The following ZNF624 variants were observed in gnomAD, a reference collection of about 807,000 sequenced individuals.
The protein encoded by ZNF624 is zinc finger protein 624.
In ZNF624, 43 loss-of-function variants were observed where a neutral mutation model predicts 74.7. That is an observed-to-expected ratio of 0.58 (90% CI 0.45 to 0.74). ZNF624 has a LOEUF of 0.74. Ranked by LOEUF, ZNF624 falls within the 30% of genes least tolerant of loss-of-function variation. The pLI is 0.00. For synonymous variants in ZNF624, 331 were observed against 341.3 expected (o/e 0.97, Z 0.33); for missense variants, 820 against 1,030.0 (o/e 0.80, Z 2.79).
chr17:16,653,288 C>A (rs1429577893), intron 1 of ZNF624, among the ~76,000 whole-genome samples: 1 of 152,254 alleles, frequency 6.6e-6, no homozygotes, highest in Non-Finnish European at 1.5e-5. Context: ...AACCTAGTTC[C>A]ATCCCTGCCA....
At chr17:16,614,978 T>TTA in the ZNF624 span, among the ~76,000 whole-genome samples, 1 of 152,218 alleles carries the variant, frequency 6.6e-6, no homozygotes, top group African/African-American at 2.4e-5. Flanking sequence ...ATGATTCTAC[T>TTA]TATATGAGGT....
At chr17:16,652,177 A>C (rs1909741691) in intron 1 of ZNF624, among the ~76,000 whole-genome samples, 1 of 152,154 alleles carries the variant, frequency 6.6e-6, no homozygotes, top group Non-Finnish European at 1.5e-5. Context: ...CCATCTGAGA[A>C]TCTGACCTTG....
At chr17:16,642,097 T>G (rs1179879355) in intron 3 of ZNF624, among the ~76,000 whole-genome samples, 1 of 152,124 alleles carries the variant, frequency 6.6e-6, no homozygotes, top group Non-Finnish European at 1.5e-5. Flanking sequence ...ATCAACAGAT[T>G]CAACATAAGA....
intron 3 of ZNF624, among the ~76,000 whole-genome samples, chr17:16,635,054 G>GT (rs1909295346): frequency 6.6e-6 from 1 of 152,140 alleles, no homozygotes; most frequent in Non-Finnish European, 1.5e-5. Flanking sequence ...GAGTCAAACA[G>GT]CACGGTTTCC....
downstream of ZNF624, among the ~76,000 whole-genome samples, chr17:16,620,448 G>A (rs1037553984): frequency 4.6e-5 from 7 of 152,182 alleles, no homozygotes; most frequent in Non-Finnish European, 1.0e-4. Context: ...TGTTGAAAGT[G>A]GAACTTCTTT....
At chr17:16,647,701 T>C (rs988600502) in intron 2 of ZNF624, among the ~76,000 whole-genome samples, 1 of 152,162 alleles carries the variant, frequency 6.6e-6, no homozygotes, top group African/African-American at 2.4e-5. Flanking sequence ...CTTTTTCATA[T>C]TGGGATGAAA....
intron 3 of ZNF624, 68 bp from the exon 4 acceptor site, chr17:16,634,824 A>AAAAACTGGGGAAGAGCC: frequency 2.0e-6 from 3 of 1,486,280 alleles, no homozygotes; most frequent in Non-Finnish European, 2.7e-6. Context: ...ATTATACATA[A>AAAAACTGGGGAAGAGCC]AAAACTGGGG....
At chr17:16,637,053 C>T (rs1909349814) in intron 3 of ZNF624, among the ~76,000 whole-genome samples, 1 of 152,166 alleles carries the variant, frequency 6.6e-6, no homozygotes, top group African/African-American at 2.4e-5. Flanking sequence ...AAATAAAAAT[C>T]ACTAGCATTC....
chr17:16,640,875 C>T (rs1418974553), intron 3 of ZNF624, among the ~76,000 whole-genome samples: 1 of 151,962 alleles, frequency 6.6e-6, no homozygotes, highest in African/African-American at 2.4e-5. Flanking sequence ...ACCAATATTA[C>T]CAAAACTAGA....
chr17:16,650,127 T>C (rs1407906042), intron 1 of ZNF624, among the ~76,000 whole-genome samples: 2 of 152,152 alleles, frequency 1.3e-5, no homozygotes, highest in Admixed American at 6.5e-5. Flanking sequence ...CCTTTTCCAC[T>C]GAATCAACAT....
Position 16,623,720 on chromosome 17 carries a change from T to G in ZNF624, c.1166A>C (p.Lys389Thr). The change falls in exon 6 of 6, where the codon AAA becomes ACA. Residue 389 changes from lysine (K) to threonine (T), a missense_variant. Coordinates refer to ENST00000311331, the MANE Select transcript of ZNF624 (RefSeq NM_020787.4). The surrounding 1 kb of genome is among the most constrained non-coding windows in gnomAD (Gnocchi z 5.3). ...AAAAGCTTTCCCGCATTCACTACAT[T>G]TATAGGGTTTCTCTCCAGTTTGAAT... ...QRIQTGEKPY[K>T]CSECGKAFSD... 1 of 1,613,348 alleles carries G rather than the reference T, an allele frequency of 6.2e-7. No individual in the cohort carries two copies. The highest frequency in any genetic ancestry group is 8.5e-7 in the Non-Finnish European group (1 of 1,179,816).
intron 3 of ZNF624, among the ~76,000 whole-genome samples, chr17:16,637,537 G>A (rs1189092437): frequency 6.6e-6 from 1 of 152,114 alleles, no homozygotes; most frequent in Non-Finnish European, 1.5e-5. Context: ...CAATGGAACA[G>A]AACAGAGCCC....
intron 5 of ZNF624, among the ~76,000 whole-genome samples, chr17:16,631,184 A>C (rs953889384): frequency 6.6e-6 from 1 of 152,192 alleles, no homozygotes; most frequent in African/African-American, 2.4e-5. Flanking sequence ...AGATATCACA[A>C]TAGAAATTAT....
At position 16,623,313 on chromosome 17, in the gene ZNF624, C is replaced by T. The variant is rs1370456803; in HGVS notation, c.1573G>A (p.Glu525Lys). 1 of 1,613,798 alleles carries T rather than the reference C, an allele frequency of 6.2e-7. No individual in the cohort carries two copies. Among genetic ancestry groups the T allele is most frequent in the South Asian group, 1.1e-5 (1 of 91,058 alleles). ...CATTCATTACATTTATAGGGTTTTTCTCCTGTGTGAATTCGCTGATGTTCT... is the reference window on the plus strand; with the variant it reads ...CATTCATTACATTTATAGGGTTTTTTTCCTGTGTGAATTCGCTGATGTTCT... The part of the protein sequence containing the change: ...FTEHQRIHTG[E>K]KPYKCNECGK... Residue 525 changes from glutamate to lysine, a missense_variant, in exon 6 of 6, where the codon GAA (glutamate) becomes AAA (lysine). Transcript: ENST00000311331. This position sits in a 1 kb window ranked among gnomAD's most constrained non-coding sequence, Gnocchi z 5.3.
intron 3 of ZNF624, among the ~76,000 whole-genome samples, chr17:16,637,645 C>T (rs1040907708): frequency 7.2e-5 from 11 of 152,210 alleles, no homozygotes; most frequent in African/African-American, 1.4e-4. Flanking sequence ...AAATGGTGCT[C>T]GGAAAACTGG....
chr17:16,652,455 A>C (rs1305732036), intron 1 of ZNF624, among the ~76,000 whole-genome samples: 2 of 152,172 alleles, frequency 1.3e-5, no homozygotes, highest in Non-Finnish European at 2.9e-5. Flanking sequence ...CTGAGTCATC[A>C]TTTTTAAAAT....
rs144438002 is a variant in ZNF624 at position 16,622,489 on chromosome 17, C to T, written c.2397G>A (p.Gln799=). Residue 799 remains glutamine (Q), a synonymous_variant, in exon 6 of 6, where the codon CAG becomes CAA. Coordinates refer to ENST00000311331, the MANE Select transcript of ZNF624 (RefSeq NM_020787.4). ...CITLSQLTLH[Q]RIHTGERPYK... is the part of the protein sequence containing the mutation. ...AGGGCCTCTCCCCAGTATGAATTCT[C>T]TGATGTAGGGTTAGCTGTGATAGAG... 211 of 1,613,874 alleles carry T rather than the reference C, an allele frequency of 1.3e-4. 1 individual carries two copies. In the Admixed American group the frequency reaches 3.5e-3, roughly 27 times the overall value.
intron 2 of ZNF624, among the ~76,000 whole-genome samples, chr17:16,647,596 G>A (rs188269054): frequency 3.9e-5 from 6 of 152,188 alleles, no homozygotes; most frequent in Admixed American, 2.6e-4. Flanking sequence ...ACAAACACAC[G>A]TAAGATTGAA....
chr17:16,637,611 TGG>T (rs1909365243), intron 3 of ZNF624, among the ~76,000 whole-genome samples: 1 of 152,108 alleles, frequency 6.6e-6, no homozygotes, highest in Non-Finnish European at 1.5e-5. Flanking sequence ...AAACAAGAAA[TGG>T]GGAAAGGATT....
Sources: allele counts gnomAD v4.1 joint callset (sites outside exome capture counted in the v4.1 genomes callset), GRCh38; gene constraint gnomAD v4.1.1; non-coding constraint Gnocchi (gnomAD v3.1); transcripts MANE v1.5; gene names NCBI Gene and HGNC (gene_info 2026-07-23, HGNC 2026-07-21).